DNM3: variants seen among roughly 807,000 people sequenced by gnomAD.
DNM3 encodes the protein dynamin 3, also known as dynamin-3.
DNM3 carries 47 observed loss-of-function variants against 101.6 expected under a neutral mutation model. The ratio of observed to expected loss-of-function variants is 0.46; its 90% CI spans 0.37 to 0.59. DNM3 has a LOEUF of 0.59. Among genes scored for constraint, DNM3 ranks in the 20% least tolerant of loss-of-function variants. The pLI, the probability that DNM3 is intolerant of heterozygous loss-of-function variation, is 0.00. For missense variants in DNM3, 849 were observed against 1,085.7 expected (o/e 0.78, Z 3.06); for synonymous variants, 385 against 387.9 (o/e 0.99, Z 0.09).
intron 17 of DNM3, among the ~76,000 whole-genome samples, chr1:172,368,884 G>A (rs1348371666): frequency 6.6e-6 from 1 of 151,816 alleles, no homozygotes; most frequent in Non-Finnish European, 1.5e-5. Context: ...AAACCTAGAA[G>A]AAATGGATAC....
At chr1:172,192,040 G>C (rs1004952492) in intron 14 of DNM3, among the ~76,000 whole-genome samples, 1 of 152,104 alleles carries the variant, frequency 6.6e-6, no homozygotes, top group East Asian at 1.9e-4. Context: ...TCTTGAATAC[G>C]AGTGGTGAGA....
At chr1:172,388,101 G>A (rs1215902782) in intron 19 of DNM3, among the ~76,000 whole-genome samples, 2 of 152,030 alleles carry the variant, frequency 1.3e-5, no homozygotes, top group East Asian at 3.9e-4. Context: ...GGGGGTGGTG[G>A]CGCACACCTG....
chr1:172,126,101 A>T (rs528567120), intron 13 of DNM3, among the ~76,000 whole-genome samples: 3 of 152,256 alleles, frequency 2.0e-5, no homozygotes, highest in Non-Finnish European at 4.4e-5. Flanking sequence ...TCAATTCCTT[A>T]GTGAAAAGTA....
At chr1:171,844,374 C>G (rs1168520422) in intron 1 of DNM3, among the ~76,000 whole-genome samples, 2 of 152,174 alleles carry the variant, frequency 1.3e-5, no homozygotes, top group Non-Finnish European at 2.9e-5. Context: ...AGGGTCATCA[C>G]TTGTGTAAAT....
chr1:172,149,003 A>G (rs1180856815), intron 14 of DNM3, among the ~76,000 whole-genome samples: 1 of 152,162 alleles, frequency 6.6e-6, no homozygotes, highest in Non-Finnish European at 1.5e-5. Flanking sequence ...GGAGTAAGAG[A>G]TTTTCCTTCA....
chr1:172,089,365 T>C (rs568727517), intron 12 of DNM3, among the ~76,000 whole-genome samples: 43 of 152,336 alleles, frequency 2.8e-4, no homozygotes, highest in African/African-American at 1.0e-3. Flanking sequence ...TGTTTTATAA[T>C]ATTTCAGAGT....
At chr1:172,341,407 A>G (rs1193498735) in intron 17 of DNM3, among the ~76,000 whole-genome samples, 2 of 152,348 alleles carry the variant, frequency 1.3e-5, no homozygotes, top group South Asian at 2.1e-4. Flanking sequence ...AGATAAACCA[A>G]AAATGATCCT....
intron 16 of DNM3, among the ~76,000 whole-genome samples, chr1:172,316,695 T>G (rs1573438112): frequency 6.6e-6 from 1 of 152,228 alleles, no homozygotes; most frequent in South Asian, 2.1e-4. Flanking sequence ...CTAACTATCC[T>G]AAATATATAT....
intron 2 of DNM3, among the ~76,000 whole-genome samples, chr1:171,949,318 G>A (rs556433680): frequency 1.3e-5 from 2 of 152,288 alleles, no homozygotes; most frequent in African/African-American, 4.8e-5. Context: ...AATTGCAAGT[G>A]CAGGCATAAG....
At chr1:172,000,206 G>A (rs932804757) in intron 4 of DNM3, among the ~76,000 whole-genome samples, 7 of 151,862 alleles carry the variant, frequency 4.6e-5, no homozygotes, top group Non-Finnish European at 7.4e-5. Flanking sequence ...ATGAAGAAGC[G>A]GTAGAGAATC....
At chr1:172,160,653 T>A (rs903766975) in intron 14 of DNM3, among the ~76,000 whole-genome samples, 1 of 152,050 alleles carries the variant, frequency 6.6e-6, no homozygotes, top group Non-Finnish European at 1.5e-5. Flanking sequence ...TGCCTATGAC[T>A]GTTTTACAGT....
intron 1 of DNM3, among the ~76,000 whole-genome samples, chr1:171,905,160 C>T (rs59736579): frequency 4.3e-4 from 65 of 152,294 alleles, no homozygotes; most frequent in African/African-American, 1.5e-3. Context: ...GCTTTATGTG[C>T]GTACATTCAT....
chr1:171,936,047 G>A (rs1230847914), intron 2 of DNM3, among the ~76,000 whole-genome samples: 1 of 151,212 alleles, frequency 6.6e-6, no homozygotes, highest in Non-Finnish European at 1.5e-5. Context: ...CAGAATACAA[G>A]TCACTCTTTG....
chr1:172,194,180 T>C (rs1357344091), intron 14 of DNM3, among the ~76,000 whole-genome samples: 1 of 152,130 alleles, frequency 6.6e-6, no homozygotes, highest in Non-Finnish European at 1.5e-5. Context: ...TTTGAGTGAG[T>C]TTCTTAATCC....
At chr1:172,158,271 G>A (rs1478585493) in intron 14 of DNM3, among the ~76,000 whole-genome samples, 1 of 152,004 alleles carries the variant, frequency 6.6e-6, no homozygotes, top group Non-Finnish European at 1.5e-5. Context: ...AGTAGATAAG[G>A]TTGATAACTG....
At chr1:171,841,959 C>A in intron 1 of DNM3, 142 bp downstream of exon 1, 4 of 1,011,420 alleles carry the variant, frequency 4.0e-6, no homozygotes, top group Admixed American at 4.0e-5. Context: ...GAATGGGGGG[C>A]AGAGTGGCGG....
intron 16 of DNM3, among the ~76,000 whole-genome samples, chr1:172,320,485 A>G (rs962074483): frequency 1.3e-5 from 2 of 152,192 alleles, no homozygotes; most frequent in African/African-American, 4.8e-5. Context: ...TTGCAGGGAC[A>G]TGGATGAAGC....
At chr1:171,850,619 C>T (rs892227007) in intron 1 of DNM3, among the ~76,000 whole-genome samples, 4 of 152,174 alleles carry the variant, frequency 2.6e-5, no homozygotes, top group Admixed American at 6.6e-5. Flanking sequence ...ACCGATAGAA[C>T]GACCTGCATA....
chr1:172,342,749 A>G (rs1047751266), intron 17 of DNM3, among the ~76,000 whole-genome samples: 1 of 152,210 alleles, frequency 6.6e-6, no homozygotes, highest in African/African-American at 2.4e-5. Context: ...AAAAAAAAGT[A>G]AACATGTTGT....
Sources: allele counts gnomAD v4.1 joint callset (sites outside exome capture counted in the v4.1 genomes callset), GRCh38; gene constraint gnomAD v4.1.1; transcripts MANE v1.5; gene names NCBI Gene and HGNC (gene_info 2026-07-23, HGNC 2026-07-21).